Variants in DOK5 observed in about 807,000 individuals in gnomAD.
The protein encoded by DOK5 is downstream of tyrosine kinase 5.
Under a neutral mutation model 43.3 loss-of-function variants are expected in DOK5, and 27 were observed. That is an observed-to-expected ratio of 0.62 (90% CI 0.46 to 0.86). The LOEUF (loss-of-function observed/expected upper bound fraction) is 0.86. Ranked by LOEUF, DOK5 falls within the 40% of genes least tolerant of loss-of-function variation. The pLI is 0.00. For synonymous variants in DOK5, 146 were observed against 140.1 expected, an observed-to-expected ratio of 1.04 and a Z score of -0.30; for missense variants, 373 against 392.9, an observed-to-expected ratio of 0.95 and a Z score of 0.43.
intron 1 of DOK5, among the ~76,000 whole-genome samples, chr20:54,524,435 G>C (rs1349079002): frequency 6.6e-6 from 1 of 152,166 alleles, no homozygotes; most frequent in Non-Finnish European, 1.5e-5. Flanking sequence ...TCCTAACTCT[G>C]CTTTTCTGAC....
chr20:54,562,461 C>T (rs1458443996), intron 2 of DOK5, among the ~76,000 whole-genome samples: 1 of 152,120 alleles, frequency 6.6e-6, no homozygotes, highest in Non-Finnish European at 1.5e-5. Flanking sequence ...CTTTGCCATC[C>T]AGGCTAGAGT....
At chr20:54,483,936 T>A (rs1981824960) in intron 1 of DOK5, among the ~76,000 whole-genome samples, 1 of 152,226 alleles carries the variant, frequency 6.6e-6, no homozygotes, top group Non-Finnish European at 1.5e-5. Context: ...TTGTCTTGTG[T>A]TCTTAAGCCG....
chr20:54,521,547 T>A (rs1445158479), intron 1 of DOK5, among the ~76,000 whole-genome samples: 1 of 152,144 alleles, frequency 6.6e-6, no homozygotes, highest in Non-Finnish European at 1.5e-5. Flanking sequence ...ATGTATATGG[T>A]ATGGGGTGTG....
At chr20:54,597,854 C>T (rs6023394) in intron 5 of DOK5, among the ~76,000 whole-genome samples, 26,554 of 152,224 alleles carry the variant, frequency 0.17, 4,290 homozygotes, top group African/African-American at 0.43. Context: ...GCTTACATAA[C>T]CAAAGCTTGC....
At chr20:54,552,746 C>T (rs999221346) in intron 1 of DOK5, among the ~76,000 whole-genome samples, 1 of 152,076 alleles carries the variant, frequency 6.6e-6, no homozygotes, top group African/African-American at 2.4e-5. Flanking sequence ...TGGGATCAGA[C>T]ACATATCTTA....
intron 6 of DOK5, among the ~76,000 whole-genome samples, chr20:54,611,398 C>T (rs1280208968): frequency 1.3e-5 from 2 of 151,798 alleles, no homozygotes; most frequent in African/African-American, 4.8e-5. Context: ...CCTGTCTCTA[C>T]AAAAATACAA....
chr20:54,599,100 GT>G (rs1464543469), intron 5 of DOK5, among the ~76,000 whole-genome samples: 4 of 152,154 alleles, frequency 2.6e-5, no homozygotes, highest in Non-Finnish European at 5.9e-5. Context: ...TAGCTTCTTA[GT>G]AATCTCTCAT....
chr20:54,591,832 T>C (rs778703634), intron 5 of DOK5, 27 bp downstream of exon 5: 3 of 1,595,436 alleles, frequency 1.9e-6, no homozygotes, highest in Admixed American at 1.7e-5. Context: ...TTAATGACTA[T>C]TTTTCTGTTT....
chr20:54,568,697 G>A (rs1029111255), intron 2 of DOK5, among the ~76,000 whole-genome samples: 8 of 152,128 alleles, frequency 5.3e-5, no homozygotes, highest in Non-Finnish European at 1.0e-4. Context: ...TTTGGAGGCT[G>A]AGGCTGGTGG....
At chr20:54,637,166 C>G (rs1283461938) in intron 6 of DOK5, among the ~76,000 whole-genome samples, 4 of 152,210 alleles carry the variant, frequency 2.6e-5, no homozygotes, top group African/African-American at 9.6e-5. Flanking sequence ...TAACATGGGT[C>G]TCGTACTGCA....
Position 54,613,342 on chromosome 20 carries a change from A to AT in DOK5, c.735+2823dup, listed in dbSNP as rs1476928814. On this transcript the variant is annotated intron_variant, in intron 6 of 7. Coordinates refer to ENST00000262593, the MANE Select transcript of DOK5 (RefSeq NM_018431.5). The stretch of plus-strand genomic sequence containing the variant: ...AATGGGGAATGATATAATTTAATAG[A>AT]TTTTAGAGAATTAGAACCTACTATA... Among the ~76,000 whole-genome samples, 5 of 152,264 alleles carry AT rather than the reference A, an allele frequency of 3.3e-5. No homozygotes were observed. In the East Asian group the frequency reaches 7.7e-4, roughly 23 times the overall value.
chr20:54,542,182 C>T (rs1984188151), intron 1 of DOK5, among the ~76,000 whole-genome samples: 1 of 151,516 alleles, frequency 6.6e-6, no homozygotes, highest in South Asian at 2.1e-4. Context: ...GAAAGCACAA[C>T]AAAGACAGCA....
intron 2 of DOK5, among the ~76,000 whole-genome samples, chr20:54,577,208 A>G (rs1394564220): frequency 6.6e-6 from 1 of 152,218 alleles, no homozygotes; most frequent in African/African-American, 2.4e-5. Context: ...TAATGGGTTT[A>G]ATAATAGTTT....
chr20:54,614,419 G>C (rs778636284), intron 6 of DOK5, among the ~76,000 whole-genome samples: 6 of 152,156 alleles, frequency 3.9e-5, no homozygotes, highest in Non-Finnish European at 8.8e-5. Flanking sequence ...AGGGCAACAT[G>C]TCATTGTATT....
At chr20:54,583,442 T>A (rs1165961700) in intron 2 of DOK5, among the ~76,000 whole-genome samples, 1 of 152,198 alleles carries the variant, frequency 6.6e-6, no homozygotes, top group East Asian at 1.9e-4. Flanking sequence ...TCTTATATAA[T>A]CTTTGGATGT....
chr20:54,588,938 T>A, intron 4 of DOK5, 132 bp downstream of exon 4: 2 of 924,060 alleles, frequency 2.2e-6, no homozygotes, highest in Non-Finnish European at 3.2e-6. Flanking sequence ...ATCTTTTATC[T>A]AATCCACAAC....
Position 54,628,408 on chromosome 20 carries a change from C to CA in DOK5, c.736-15013dup, listed in dbSNP as rs56730310. 8.0e-3 allele frequency among the ~76,000 whole-genome samples: 187 copies of CA among 23,456 alleles called. 58 individuals carry two copies. Among genetic ancestry groups the CA allele is most frequent in the East Asian group, 0.037 (11 of 300 alleles). 15.4% of individuals were successfully genotyped at this position (23,456 alleles called of 152,430 possible). On this transcript the variant is annotated intron_variant, in intron 6 of 7. Transcript: ENST00000262593. ...TGGGCGACAGAGCGAGACTCCGTCT[C>CA]AAAAAAAAAAAAAAAAAAAAAAAAA...
At chr20:54,503,466 T>A (rs112620472) in intron 1 of DOK5, among the ~76,000 whole-genome samples, 100 of 151,886 alleles carry the variant, frequency 6.6e-4, no homozygotes, top group South Asian at 1.2e-3. Flanking sequence ...TGATTTTTTT[T>A]AAAAAAATGG....
At chr20:54,601,555 T>C (rs1158355569) in intron 5 of DOK5, among the ~76,000 whole-genome samples, 1 of 152,250 alleles carries the variant, frequency 6.6e-6, no homozygotes, top group Admixed American at 6.5e-5. Context: ...GTTGGTTGGT[T>C]TTTCCACCAA....
Sources: allele counts gnomAD v4.1 joint callset (sites outside exome capture counted in the v4.1 genomes callset), GRCh38; gene constraint gnomAD v4.1.1; transcripts MANE v1.5; gene names NCBI Gene and HGNC (gene_info 2026-07-23, HGNC 2026-07-21).